LRRC4C: variants seen among roughly 807,000 people sequenced by gnomAD.
The protein encoded by LRRC4C is leucine rich repeat containing 4C.
LRRC4C carries 5 observed loss-of-function variants against 33.6 expected under a neutral mutation model. The observed-to-expected ratio is 0.15, with a 90% CI of 0.08 to 0.31. LRRC4C has a LOEUF of 0.31. Among genes scored for constraint, LRRC4C ranks in the 10% least tolerant of loss-of-function variants. The probability of loss-of-function intolerance (pLI) is 1.00; values close to 1 mark genes in which losing one functional copy is unlikely to be tolerated. For missense variants in LRRC4C, 560 were observed against 796.7 expected (o/e 0.70, Z 3.58); for synonymous variants, 329 against 302.0 (o/e 1.09, Z -0.93).
chr11:40,794,322 G>T (rs1339336006), intron 2 of LRRC4C, among the ~76,000 whole-genome samples: 3 of 81,758 alleles, frequency 3.7e-5, no homozygotes, highest in African/African-American at 1.2e-4. Context: ...ATAAAGAAAA[G>T]AATATATTTT....
chr11:41,355,108 A>G (rs889190903), intron 1 of LRRC4C, among the ~76,000 whole-genome samples: 1 of 152,150 alleles, frequency 6.6e-6, no homozygotes, highest in Non-Finnish European at 1.5e-5. Context: ...ACAAGGATCT[A>G]TCCAGAATGT....
intron 3 of LRRC4C, among the ~76,000 whole-genome samples, chr11:40,340,263 A>G (rs1319086146): frequency 1.3e-5 from 2 of 152,192 alleles, no homozygotes; most frequent in Non-Finnish European, 2.9e-5. Context: ...TCTTTTTTTC[A>G]CATGGTCAGA....
chr11:41,379,573 C>A (rs1379828453), intron 1 of LRRC4C, among the ~76,000 whole-genome samples: 1 of 151,956 alleles, frequency 6.6e-6, no homozygotes, highest in Non-Finnish European at 1.5e-5. Flanking sequence ...AAAATAGCCC[C>A]ATCCTTAGAG....
At chr11:40,607,296 TC>T (rs901339873) in intron 3 of LRRC4C, among the ~76,000 whole-genome samples, 3 of 152,168 alleles carry the variant, frequency 2.0e-5, no homozygotes, top group Admixed American at 2.0e-4. Flanking sequence ...GGCTTCACCT[TC>T]CGGCCTCTGC....
chr11:40,369,413 C>T (rs958547517), intron 3 of LRRC4C, among the ~76,000 whole-genome samples: 5 of 152,064 alleles, frequency 3.3e-5, no homozygotes, highest in Admixed American at 6.6e-5. Flanking sequence ...GGCGCGATCT[C>T]GGAATCACCG....
intron 5 of LRRC4C, among the ~76,000 whole-genome samples, chr11:40,222,836 T>C (rs1018515114): frequency 2.9e-4 from 42 of 144,076 alleles, no homozygotes; most frequent in African/African-American, 1.0e-3. Flanking sequence ...GATCAAGAGA[T>C]GTTTTTAGGA....
intron 1 of LRRC4C, among the ~76,000 whole-genome samples, chr11:41,022,025 G>A (rs557469562): frequency 6.6e-6 from 1 of 151,750 alleles, no homozygotes; most frequent in East Asian, 1.9e-4. Context: ...AGTATATGGT[G>A]AGATAATCCA....
intron 2 of LRRC4C, among the ~76,000 whole-genome samples, chr11:40,780,142 C>A (rs556621166): frequency 1.8e-4 from 28 of 152,116 alleles, no homozygotes; most frequent in Non-Finnish European, 3.2e-4. Flanking sequence ...ACACATCCAT[C>A]ATATTAAAAA....
intron 2 of LRRC4C, among the ~76,000 whole-genome samples, chr11:40,715,643 T>A (rs11036036): frequency 0.2 from 30,088 of 152,090 alleles, 3,117 homozygotes; most frequent in Middle Eastern, 0.22. Context: ...ATGCCACATA[T>A]CCTTCAGGAG....
At chr11:41,007,001 A>G (rs1362708571) in intron 1 of LRRC4C, among the ~76,000 whole-genome samples, 2 of 152,202 alleles carry the variant, frequency 1.3e-5, no homozygotes, top group African/African-American at 4.8e-5. Context: ...GCAAATCAGT[A>G]GAATGAGAGC....
intron 3 of LRRC4C, among the ~76,000 whole-genome samples, chr11:40,569,644 C>A (rs1169778447): frequency 6.6e-6 from 1 of 152,016 alleles, no homozygotes; most frequent in Admixed American, 6.6e-5. Flanking sequence ...GTCTGTTCTA[C>A]AGGGAAGTTT....
chr11:40,653,523 T>A (rs1475032171), intron 2 of LRRC4C, among the ~76,000 whole-genome samples: 1 of 152,160 alleles, frequency 6.6e-6, no homozygotes, highest in Non-Finnish European at 1.5e-5. Context: ...GCAGAAGAAA[T>A]TTCTAAGCAA....
intron 1 of LRRC4C, among the ~76,000 whole-genome samples, chr11:41,404,401 C>T (rs1354555099): frequency 6.6e-6 from 1 of 151,468 alleles, no homozygotes; most frequent in African/African-American, 2.4e-5. Flanking sequence ...TGGAGATGGC[C>T]CAGGTATTTT....
chr11:40,455,490 C>G (rs1156737323), intron 3 of LRRC4C, among the ~76,000 whole-genome samples: 1 of 152,178 alleles, frequency 6.6e-6, no homozygotes, highest in African/African-American at 2.4e-5. Flanking sequence ...TGAGATACCA[C>G]AAGAGAAGAA....
intron 1 of LRRC4C, among the ~76,000 whole-genome samples, chr11:41,031,916 G>T (rs1294244460): frequency 6.6e-6 from 1 of 152,000 alleles, no homozygotes; most frequent in Non-Finnish European, 1.5e-5. Flanking sequence ...CAGGCAGGTT[G>T]TACTGTGATA....
intron 1 of LRRC4C, among the ~76,000 whole-genome samples, chr11:41,309,715 C>A (rs1161660592): frequency 6.6e-6 from 1 of 152,162 alleles, no homozygotes; most frequent in Non-Finnish European, 1.5e-5. Context: ...AAAATAAAAT[C>A]CCTGCACACT....
At chr11:41,429,780 G>A (rs61877336) in intron 1 of LRRC4C, among the ~76,000 whole-genome samples, 16,905 of 152,072 alleles carry the variant, frequency 0.11, 1,200 homozygotes, top group Non-Finnish European at 0.15. Flanking sequence ...TTCTCTAGCC[G>A]TCTGGTGTTT....
intron 1 of LRRC4C, among the ~76,000 whole-genome samples, chr11:41,338,390 G>T (rs1333190038): frequency 6.6e-6 from 1 of 152,114 alleles, no homozygotes. Context: ...CATGTCCCTT[G>T]CAGGGACATG....
At chr11:40,833,455 C>T (rs1165780752) in intron 2 of LRRC4C, among the ~76,000 whole-genome samples, 1 of 151,974 alleles carries the variant, frequency 6.6e-6, no homozygotes, top group East Asian at 1.9e-4. Context: ...GAGTTGAAAA[C>T]TAATATAAAA....
Sources: gnomAD v4.1 joint callset for allele counts (sites outside exome capture counted in the v4.1 genomes callset) on GRCh38, gnomAD v4.1.1 for gene constraint, MANE v1.5 for transcripts, NCBI Gene and HGNC (gene_info 2026-07-23, HGNC 2026-07-21) for gene names.